Variants in ZNF226 observed in about 807,000 individuals in gnomAD.
ZNF226 encodes Kruppel-associated box protein.
A neutral mutation model predicts 11.4 loss-of-function variants in ZNF226; 6 were observed. The ratio of observed to expected loss-of-function variants is 0.53; its 90% CI spans 0.29 to 1.04. The LOEUF (loss-of-function observed/expected upper bound fraction) is 1.04. Ranked by LOEUF, ZNF226 falls within the 50% of genes least tolerant of loss-of-function variation. The pLI is 0.08. For synonymous variants in ZNF226, 350 were observed against 322.8 expected, an observed-to-expected ratio of 1.08 and a Z score of -0.90; for missense variants, 1,058 against 956.5, an observed-to-expected ratio of 1.11 and a Z score of -1.40.
At position 44,176,798 on chromosome 19, in the gene ZNF226, C is replaced by G. The variant is rs772432212; in HGVS notation, c.1536C>G (p.Phe512Leu). Residue 512 changes from phenylalanine (F) to leucine (L), a missense_variant, in exon 6 of 6, where the codon TTC becomes TTG. Phe to Leu is a conservative substitution (Grantham distance 22). Transcript: ENST00000337433. Reference protein sequence around the residue: ...PYKCNECGKSFRRNSHYQVHL... With the variant: ...PYKCNECGKSLRRNSHYQVHL... ...AATGCAATGAGTGTGGGAAGAGCTT[C>G]AGGAGGAATTCCCATTATCAAGTTC... 42 of 1,613,932 alleles carry G rather than the reference C, an allele frequency of 2.6e-5. No individual in the cohort carries two copies. Among genetic ancestry groups the G allele is most frequent in the Non-Finnish European group, 3.6e-5 (42 of 1,179,986 alleles).
rs762753168 is a variant in ZNF226, at chr19:44,176,350, A to C, written c.1088A>C (p.Tyr363Ser). The C allele has an allele frequency of 6.2e-7, 1 of 1,614,212 alleles. No individual in the cohort carries two copies. The highest frequency in any genetic ancestry group is 1.1e-5 in the South Asian group (1 of 91,080). ...AAGGTCCACACGGCAGAGAAACCTT[A>C]TAATTGTGAGGAGTGTGGGAGGGCC... The part of the protein sequence containing the change: ...HCKVHTAEKP[Y>S]NCEECGRAFS... The change falls in exon 6 of 6, where the codon TAT becomes TCT. Residue 363 changes from tyrosine to serine, a missense_variant. Physicochemically the swap from Tyr to Ser is moderately radical, Grantham distance 144. Transcript: ENST00000337433.
chr19:44,182,374 A>ACAC (rs1970918966), downstream of ZNF226, among the ~76,000 whole-genome samples: 2 of 140,876 alleles, frequency 1.4e-5, no homozygotes, highest in African/African-American at 3.0e-5. Context: ...CACACACACA[A>ACAC]ACACACACAC....
chr19:44,189,942 A>G, the ZNF226 span, among the ~76,000 whole-genome samples: 1 of 152,224 alleles, frequency 6.6e-6, no homozygotes, highest in Non-Finnish European at 1.5e-5. Context: ...GCTTCAGCTT[A>G]CAGGGCTTTA....
At chr19:44,178,531 ACTT>A (rs755118595), downstream of ZNF226, 2 of 152,124 alleles carry the variant, frequency 1.3e-5, no homozygotes, top group Non-Finnish European at 2.9e-5. Context: ...TCTTTTGTGA[ACTT>A]CTCTCCCCCA....
chr19:44,177,376 G>C lies in ZNF226; in HGVS notation c.2114G>C (p.Gly705Ala). 6.2e-7 allele frequency: 1 copy of C among 1,613,994 alleles called. No homozygotes were observed. The highest frequency in any genetic ancestry group is 8.5e-7 in the Non-Finnish European group (1 of 1,180,002). Residue 705 changes from glycine to alanine, a missense_variant, in exon 6 of 6, where the codon GGT becomes GCT. Coordinates refer to ENST00000337433, the MANE Select transcript of ZNF226 (RefSeq NM_001032373.2). Reference sequence around the variant, plus strand: ...AAACCATATAAATGTGGGGAGTGTGGTAAGTACTTCAGTCAGGCCTCAAGT... The same window carrying C: ...AAACCATATAAATGTGGGGAGTGTGCTAAGTACTTCAGTCAGGCCTCAAGT... ...GEKPYKCGEC[G>A]KYFSQASSLQ...
the ZNF226 span, among the ~76,000 whole-genome samples, chr19:44,184,678 A>G: frequency 6.6e-6 from 1 of 152,118 alleles, no homozygotes; most frequent in Admixed American, 6.6e-5. Flanking sequence ...CCCTTCTAAA[A>G]CCACCAGGGA....
Position 44,176,963 on chromosome 19 carries a change from T to C in ZNF226, c.1701T>C (p.Gly567=), listed in dbSNP as rs752507988. 1.4e-5 allele frequency: 23 copies of C among 1,612,368 alleles called. No homozygotes were observed. Among genetic ancestry groups the C allele is most frequent in the Non-Finnish European group, 1.5e-5 (18 of 1,179,466 alleles). ...TTAAGTGTGAGGAGTGTGGGCAGGG[T>C]TTCAATCAGAGCTCACGACTTCAGA... The part of the protein sequence containing the change: ...KPFKCEECGQ[G]FNQSSRLQIH... The change falls in exon 6 of 6, where the codon GGT becomes GGC. Residue 567 remains glycine, a synonymous_variant. Transcript: ENST00000337433.
At chr19:44,180,206 C>T (rs1021706788), downstream of ZNF226, among the ~76,000 whole-genome samples, 2 of 150,850 alleles carry the variant, frequency 1.3e-5, no homozygotes, top group African/African-American at 2.4e-5. Flanking sequence ...AAAAGATGTG[C>T]GTAGGGAGAG....
Position 44,170,104 on chromosome 19 carries a change from A to G in ZNF226, c.15+9A>G. On this transcript the variant is annotated intron_variant, in intron 3 of 5. Transcript: ENST00000337433. ...AAATGAATATGTTCAAGGTGAGTAG[A>G]GCTTGCCTTTCCCAGCTGTTAAAAA... is the stretch of plus-strand genomic sequence containing the variant. 6.2e-7 allele frequency: 1 copy of G among 1,612,288 alleles called. No homozygotes were observed. Among genetic ancestry groups the G allele is most frequent in the Non-Finnish European group, 8.5e-7 (1 of 1,179,014 alleles).
the ZNF226 span, among the ~76,000 whole-genome samples, chr19:44,191,289 G>A: frequency 2.0e-5 from 3 of 152,066 alleles, no homozygotes; most frequent in Non-Finnish European, 2.9e-5. Context: ...AAATCTGATG[G>A]GAGTTCAGCA....
intron 2 of ZNF226, chr19:44,167,757 G>T (rs1269878684): frequency 6.6e-6 from 1 of 152,160 alleles, no homozygotes; most frequent in Non-Finnish European, 1.5e-5. Flanking sequence ...TGTGTGCTCT[G>T]TTGATGACCA....
downstream of ZNF226, among the ~76,000 whole-genome samples, chr19:44,182,816 T>G (rs933960392): frequency 1.3e-5 from 2 of 152,204 alleles, no homozygotes; most frequent in African/African-American, 4.8e-5. Context: ...AAAGGGATTA[T>G]CAGAGATCTT....
At position 44,172,926 on chromosome 19, in the gene ZNF226, C is replaced by T. The variant is rs771164204; in HGVS notation, c.209C>T (p.Thr70Ile). 2.7e-5 allele frequency: 44 copies of T among 1,604,090 alleles called. No homozygotes were observed. In the African/African-American group the frequency reaches 4.3e-4, roughly 16 times the overall value. ...ERNEQLWIMT[T>I]ATRRQGNLGE... The stretch of plus-strand genomic sequence containing the variant: ...AATGAGCAGCTTTGGATAATGACGA[C>T]AGCAACCCGAAGACAGGGAAATTTA... The change falls in exon 5 of 6, where the codon ACA becomes ATA. Residue 70 changes from threonine to isoleucine, a missense_variant. Coordinates refer to ENST00000337433, the MANE Select transcript of ZNF226 (RefSeq NM_001032373.2).
Position 44,172,217 on chromosome 19 carries a change from G to A in ZNF226, c.142+3G>A. 1 of 1,610,232 alleles carries A rather than the reference G, an allele frequency of 6.2e-7. No homozygotes were observed. Among genetic ancestry groups the A allele is most frequent in the Non-Finnish European group, 8.5e-7 (1 of 1,177,596 alleles). The stretch of plus-strand genomic sequence containing the variant: ...CTTTAGGAACCTGCTGTCAGTGGGT[G>A]AGGACAGCCTCCCTCTGGAATATCT... On this transcript the variant is annotated splice_donor_region_variant and intron_variant, in intron 4 of 5. Coordinates refer to ENST00000337433, the MANE Select transcript of ZNF226 (RefSeq NM_001032373.2).
At chr19:44,166,665 T>C (rs1011339312) in intron 2 of ZNF226, 1 of 152,170 alleles carries the variant, frequency 6.6e-6, no homozygotes, top group Non-Finnish European at 1.5e-5. Context: ...GTTTAGTGCC[T>C]TTCTGTCAAG....
the ZNF226 span, among the ~76,000 whole-genome samples, chr19:44,197,605 G>A: frequency 2.2e-3 from 336 of 152,254 alleles, 1 homozygote; most frequent in African/African-American, 7.3e-3. Context: ...AATTTATACT[G>A]CTGTAATGAC....
chr19:44,179,137 G>T (rs1410991555), downstream of ZNF226, among the ~76,000 whole-genome samples: 2 of 152,058 alleles, frequency 1.3e-5, no homozygotes, highest in Non-Finnish European at 2.9e-5. Flanking sequence ...TCAAGATGTT[G>T]CCACTGCACT....
At position 44,176,306 on chromosome 19, in the gene ZNF226, A is replaced by T. The variant is rs184001595; in HGVS notation, c.1044A>T (p.Ser348=). The change falls in exon 6 of 6, where the codon TCA becomes TCT. Residue 348 remains serine, a synonymous_variant. Coordinates refer to ENST00000337433, the MANE Select transcript of ZNF226 (RefSeq NM_001032373.2). ...GTGGGAAAGGTTTCAGTCGTAGATCAGCACTTAATGTTCATTGCAAGGTCC... is the reference window on the plus strand; with the variant it reads ...GTGGGAAAGGTTTCAGTCGTAGATCTGCACTTAATGTTCATTGCAAGGTCC... ...KQCGKGFSRR[S]ALNVHCKVHT... 2.9e-4 allele frequency: 470 copies of T among 1,614,218 alleles called. 3 individuals are homozygous for T. In the East Asian group the frequency reaches 5.0e-3, roughly 17 times the overall value.
the ZNF226 span, among the ~76,000 whole-genome samples, chr19:44,192,011 A>G: frequency 6.6e-6 from 1 of 152,232 alleles, no homozygotes; most frequent in Non-Finnish European, 1.5e-5. Flanking sequence ...TAAACACTGG[A>G]AGAGTGTGTA....
Sources: allele counts gnomAD v4.1 joint callset (sites outside exome capture counted in the v4.1 genomes callset), GRCh38; gene constraint gnomAD v4.1.1; transcripts MANE v1.5; gene names NCBI Gene and HGNC (gene_info 2026-07-23, HGNC 2026-07-21).